The following ANO4 variants were observed in gnomAD, a reference collection of about 807,000 sequenced individuals.
The protein encoded by ANO4 is anoctamin-4.
ANO4 carries 69 observed loss-of-function variants against 141.9 expected under a neutral mutation model. The observed-to-expected ratio is 0.49, with a 90% CI of 0.40 to 0.59. The LOEUF (loss-of-function observed/expected upper bound fraction) is 0.59, where lower values mean the gene tolerates loss of function less well. Among genes scored for constraint, ANO4 ranks in the 20% least tolerant of loss-of-function variants. The pLI is 0.00. For missense variants in ANO4, 894 were observed against 1,162.2 expected (o/e 0.77, Z 3.36); for synonymous variants, 350 against 394.3 (o/e 0.89, Z 1.33).
intron 1 of ANO4, among the ~76,000 whole-genome samples, chr12:100,866,908 G>A (rs2038780187): frequency 6.6e-6 from 1 of 152,150 alleles, no homozygotes; most frequent in Non-Finnish European, 1.5e-5. Flanking sequence ...AATTCTGTGG[G>A]ACAGCAGCCC....
intron 9 of ANO4, among the ~76,000 whole-genome samples, chr12:101,030,080 A>T (rs2046914241): frequency 6.6e-6 from 1 of 152,142 alleles, no homozygotes; most frequent in Admixed American, 6.5e-5. Flanking sequence ...ACAAGGCAGA[A>T]AATTAACAAG....
chr12:100,991,533 A>AAAAG (rs1555270460), intron 8 of ANO4, among the ~76,000 whole-genome samples: 2 of 150,970 alleles, frequency 1.3e-5, no homozygotes, highest in Admixed American at 1.3e-4. Context: ...AAAAAAAAAA[A>AAAAG]AGAGAAAAAC....
At chr12:100,879,424 GA>G (rs2039463648) in intron 1 of ANO4, among the ~76,000 whole-genome samples, 1 of 152,148 alleles carries the variant, frequency 6.6e-6, no homozygotes, top group African/African-American at 2.4e-5. Context: ...GATTGGATTA[GA>G]ATTTGTAAAT....
chr12:100,888,818 A>G (rs7136973), intron 1 of ANO4, among the ~76,000 whole-genome samples: 63,870 of 152,010 alleles, frequency 0.42, 14,497 homozygotes, highest in African/African-American at 0.6. Flanking sequence ...TTGGAAATTC[A>G]TCCCTTTCAG....
chr12:100,881,002 C>T (rs1593615857), intron 1 of ANO4, among the ~76,000 whole-genome samples: 2 of 152,082 alleles, frequency 1.3e-5, no homozygotes, highest in African/African-American at 4.8e-5. Context: ...GCTCAATTCC[C>T]ACCTATGAGT....
chr12:100,808,362 A>C (rs2135693906), intron 1 of ANO4, among the ~76,000 whole-genome samples: 1 of 152,232 alleles, frequency 6.6e-6, no homozygotes, highest in South Asian at 2.1e-4. Flanking sequence ...TCTTTTGAAA[A>C]GTGTCTGTTC....
At chr12:101,063,745 CTTTTTTTTTTTTTTTTT>C in intron 14 of ANO4, among the ~76,000 whole-genome samples, 11 of 24,800 alleles carry the variant, frequency 4.4e-4, no homozygotes, top group South Asian at 6.1e-3. Flanking sequence ...TCCAGGTTAT[CTTTTTTTTTTTTTTTTT>C]TTTTTTTTTT....
intron 17 of ANO4, among the ~76,000 whole-genome samples, chr12:101,088,828 C>T (rs1248479597): frequency 6.6e-6 from 1 of 151,926 alleles, no homozygotes; most frequent in East Asian, 1.9e-4. Flanking sequence ...TTCACGACTG[C>T]AGTGAGTCAT....
chr12:101,072,959 A>G (rs2048878457), intron 14 of ANO4, among the ~76,000 whole-genome samples: 1 of 152,226 alleles, frequency 6.6e-6, no homozygotes, highest in Admixed American at 6.5e-5. Flanking sequence ...GATGTGGAGA[A>G]ATAGGAACGC....
intron 17 of ANO4, among the ~76,000 whole-genome samples, chr12:101,087,870 G>A (rs892563084): frequency 7.9e-5 from 12 of 152,066 alleles, no homozygotes; most frequent in Non-Finnish European, 1.0e-4. Flanking sequence ...TGCACATCCC[G>A]AAGTCCCACC....
Position 100,939,365 on chromosome 12 carries a change from C to A in ANO4, c.211C>A (p.Pro71Thr), listed in dbSNP as rs1357271580. 5 of 1,613,492 alleles carry A rather than the reference C, an allele frequency of 3.1e-6. No homozygotes were observed. The Admixed American group carries it at 8.3e-5, about 27-fold the overall frequency. The change falls in exon 4 of 28, where the codon CCT (proline) becomes ACT (threonine). Residue 71 changes from proline to threonine, a missense_variant. Pro to Thr is a conservative substitution (Grantham distance 38). Coordinates refer to ENST00000392977, the MANE Select transcript of ANO4 (RefSeq NM_001286615.2). ...TGATGAATTAGAAGCTGTCAGCAGT[C>A]CTTGCAAAGATGACGATTCTCTTCT... ...LFDELEAVSS[P>T]CKDDDSLLHP...
intron 8 of ANO4, among the ~76,000 whole-genome samples, chr12:101,005,905 C>T (rs1168520642): frequency 6.6e-6 from 1 of 151,952 alleles, no homozygotes. Context: ...TTCTTTTCCC[C>T]TATCATTTCC....
intron 3 of ANO4, among the ~76,000 whole-genome samples, chr12:100,759,221 C>A (rs2032748278): frequency 6.6e-6 from 1 of 152,174 alleles, no homozygotes; most frequent in South Asian, 2.1e-4. Flanking sequence ...TCTGCTGCAT[C>A]ATATTAGTCT....
At chr12:101,049,733 TG>T (rs1288754296) in intron 14 of ANO4, among the ~76,000 whole-genome samples, 2 of 152,202 alleles carry the variant, frequency 1.3e-5, no homozygotes, top group African/African-American at 4.8e-5. Context: ...CTTGATATAT[TG>T]TGTCTTTTGT....
At position 101,064,663 on chromosome 12, in the gene ANO4, TATAATAATAATA is replaced by T. The variant is rs199759578; in HGVS notation, c.1313-14507_1313-14496del. On this transcript the variant is annotated intron_variant, in intron 14 of 27. Coordinates refer to ENST00000392977, the MANE Select transcript of ANO4 (RefSeq NM_001286615.2). Reference sequence around the variant, plus strand: ...ACATGTATCCCAGAACTTAAAGTATTATAATAATAATAATAATAATAATAATAATAATAAAAG... The same window carrying T: ...ACATGTATCCCAGAACTTAAAGTATTATAATAATAATAATAATAATAAAAG... 9.2e-5 allele frequency among the ~76,000 whole-genome samples: 12 copies of T among 130,190 alleles called. No individual in the cohort carries two copies. The South Asian group carries it at 1.2e-3, about 13-fold the overall frequency. 85.4% of individuals were successfully genotyped at this position (130,190 alleles called of 152,430 possible).
intron 1 of ANO4, among the ~76,000 whole-genome samples, chr12:100,722,138 C>G (rs2030896394): frequency 1.3e-5 from 2 of 152,132 alleles, no homozygotes; most frequent in African/African-American, 4.8e-5. Context: ...AACTCCTGCT[C>G]CTAGCCAGTA....
At chr12:100,900,692 C>T (rs1385837254) in intron 1 of ANO4, among the ~76,000 whole-genome samples, 1 of 152,182 alleles carries the variant, frequency 6.6e-6, no homozygotes, top group Non-Finnish European at 1.5e-5. Context: ...CCATCATTCT[C>T]AGCAAACTAT....
chr12:101,037,052 T>G (rs1297794160), intron 9 of ANO4, 43 bp from the exon 10 acceptor site: 1 of 1,586,486 alleles, frequency 6.3e-7, no homozygotes, highest in Admixed American at 1.7e-5. Context: ...TTGTGAGTAT[T>G]CAAACTCTGT....
intron 6 of ANO4, 35 bp from the exon 7 acceptor site, chr12:100,974,810 C>T: frequency 6.2e-7 from 1 of 1,612,738 alleles, no homozygotes; most frequent in Non-Finnish European, 8.5e-7. Flanking sequence ...GATGGGTTTT[C>T]TTCTCGACTG....
Sources: allele counts gnomAD v4.1 joint callset (sites outside exome capture counted in the v4.1 genomes callset), GRCh38; gene constraint gnomAD v4.1.1; transcripts MANE v1.5; gene names NCBI Gene and HGNC (gene_info 2026-07-23, HGNC 2026-07-21).